SUPT3H: variants seen among roughly 807,000 people sequenced by gnomAD.
SUPT3H encodes transcription initiation protein SPT3 homolog.
SUPT3H carries 44 observed loss-of-function variants against 44.3 expected under a neutral mutation model. The observed-to-expected ratio is 0.99, with a 90% CI of 0.78 to 1.28. The LOEUF is 1.28. Among genes scored for constraint, SUPT3H ranks in the 50% most tolerant of loss-of-function variants. The pLI is 0.00. For synonymous variants in SUPT3H, 124 were observed against 125.6 expected, an observed-to-expected ratio of 0.99 and a Z score of 0.09; for missense variants, 380 against 387.1, an observed-to-expected ratio of 0.98 and a Z score of 0.15.
In SUPT3H at chr6:45,145,840, C is replaced by T. The variant is rs191369017; in HGVS notation, c.102-39834G>A. Among the ~76,000 whole-genome samples, 74 of 152,016 alleles carry T rather than the reference C, an allele frequency of 4.9e-4. No individual in the cohort carries two copies. In the East Asian group the frequency reaches 9.1e-3, roughly 19 times the overall value. ...CAACAAAAAAAGCAAACAATCCCAT[C>T]AAAAAGTGGGCAAAAGACATGAATA... On this transcript the variant is annotated intron_variant, in intron 2 of 10. Transcript: ENST00000371459.
At chr6:44,888,424 A>C (rs2153439405) in intron 10 of SUPT3H, among the ~76,000 whole-genome samples, 1 of 152,286 alleles carries the variant, frequency 6.6e-6, no homozygotes, top group South Asian at 2.1e-4. Flanking sequence ...ACCATGATCA[A>C]GTGGGCTTCA....
chr6:45,058,744 T>C (rs1791518055), intron 3 of SUPT3H, among the ~76,000 whole-genome samples: 1 of 152,152 alleles, frequency 6.6e-6, no homozygotes, highest in Non-Finnish European at 1.5e-5. Flanking sequence ...CCATCATTTT[T>C]AGCTCTAGCC....
chr6:44,951,241 T>TG (rs1415729618), intron 9 of SUPT3H, among the ~76,000 whole-genome samples: 15 of 152,086 alleles, frequency 9.9e-5, no homozygotes, highest in African/African-American at 2.9e-4. Context: ...GAAGGTTTTT[T>TG]TTTTTTTTTT....
chr6:45,303,014 G>A (rs139103773), intron 2 of SUPT3H, among the ~76,000 whole-genome samples: 2 of 152,050 alleles, frequency 1.3e-5, no homozygotes, highest in African/African-American at 2.4e-5. Flanking sequence ...AACATAAAGC[G>A]GGGAAAGGAT....
chr6:45,044,009 C>T (rs888057228), intron 3 of SUPT3H, among the ~76,000 whole-genome samples: 2 of 152,032 alleles, frequency 1.3e-5, no homozygotes, highest in African/African-American at 2.4e-5. Flanking sequence ...TACATTTTTC[C>T]TATACTTTCA....
At chr6:44,943,567 T>G (rs1772809136) in intron 9 of SUPT3H, among the ~76,000 whole-genome samples, 1 of 151,958 alleles carries the variant, frequency 6.6e-6, no homozygotes, top group Admixed American at 6.6e-5. Context: ...GCAGGATAAA[T>G]ACAAAGAAAA....
At chr6:45,255,787 A>G (rs1394578895) in intron 2 of SUPT3H, among the ~76,000 whole-genome samples, 1 of 152,190 alleles carries the variant, frequency 6.6e-6, no homozygotes, top group Non-Finnish European at 1.5e-5. Context: ...CACAAACCAT[A>G]AATTCACTCA....
chr6:44,846,689 T>TG (rs1771926846), intron 10 of SUPT3H, among the ~76,000 whole-genome samples: 1 of 151,992 alleles, frequency 6.6e-6, no homozygotes, highest in Non-Finnish European at 1.5e-5. Flanking sequence ...TGGAGTGCAG[T>TG]GGCGCAATAC....
intron 2 of SUPT3H, among the ~76,000 whole-genome samples, chr6:45,302,156 A>ATG (rs1491324771): frequency 6.6e-6 from 1 of 152,108 alleles, no homozygotes; most frequent in Non-Finnish European, 1.5e-5. Flanking sequence ...ATTTGGTCAC[A>ATG]TGAGTAAGTT....
intron 6 of SUPT3H, among the ~76,000 whole-genome samples, chr6:44,976,371 T>C (rs1007539148): frequency 6.6e-6 from 1 of 152,114 alleles, no homozygotes; most frequent in Non-Finnish European, 1.5e-5. Context: ...TGTCTTTTTT[T>C]TTTTTCTTGA....
intron 2 of SUPT3H, among the ~76,000 whole-genome samples, chr6:45,286,986 A>G (rs1405558924): frequency 6.6e-6 from 1 of 152,124 alleles, no homozygotes; most frequent in Non-Finnish European, 1.5e-5. Context: ...GCAAACTATC[A>G]CAAGGAGAAA....
intron 6 of SUPT3H, among the ~76,000 whole-genome samples, chr6:44,983,054 G>A (rs1317018131): frequency 6.6e-6 from 1 of 152,190 alleles, no homozygotes; most frequent in Non-Finnish European, 1.5e-5. Context: ...AGTTGTTTTT[G>A]AGAGAAGTAT....
chr6:45,230,487 CT>C (rs1378336472), intron 2 of SUPT3H, among the ~76,000 whole-genome samples: 1 of 150,604 alleles, frequency 6.6e-6, no homozygotes, highest in South Asian at 2.1e-4. Context: ...CCATCTTTGT[CT>C]TTTTTTATGG....
At chr6:45,323,089 A>C in intron 2 of SUPT3H, 2 of 599,394 alleles carry the variant, frequency 3.3e-6, no homozygotes, top group South Asian at 2.3e-5. Flanking sequence ...TGTGAAACAA[A>C]ACACTGACAA....
chr6:45,060,896 A>G (rs1361305712), intron 3 of SUPT3H, among the ~76,000 whole-genome samples: 1 of 152,224 alleles, frequency 6.6e-6, no homozygotes, highest in Non-Finnish European at 1.5e-5. Context: ...AACCACAATG[A>G]GATACTATCT....
At chr6:45,009,693 C>G (rs1414903215) in intron 5 of SUPT3H, among the ~76,000 whole-genome samples, 1 of 152,122 alleles carries the variant, frequency 6.6e-6, no homozygotes, top group Non-Finnish European at 1.5e-5. Context: ...GCCAGTACTG[C>G]TCTATCGTAA....
At chr6:44,938,175 A>G (rs1771802871) in intron 9 of SUPT3H, among the ~76,000 whole-genome samples, 1 of 151,526 alleles carries the variant, frequency 6.6e-6, no homozygotes, top group Admixed American at 6.6e-5. Flanking sequence ...AGTTTTCCTC[A>G]GGTTTACTTT....
At chr6:44,856,347 G>A (rs1338712089) in intron 10 of SUPT3H, among the ~76,000 whole-genome samples, 1 of 152,096 alleles carries the variant, frequency 6.6e-6, no homozygotes, top group Non-Finnish European at 1.5e-5. Flanking sequence ...TCTGCCAGAG[G>A]GAACTCACAC....
rs373028372 is a variant in SUPT3H at position 45,125,591 on chromosome 6, T to C, written c.102-19585A>G. 3.3e-5 allele frequency among the ~76,000 whole-genome samples: 5 copies of C among 152,178 alleles called. No homozygotes were observed. In the East Asian group the frequency reaches 9.6e-4, roughly 29 times the overall value. ...CACTTTCTTGCATCTCTTCCTGTTTTGATTTGTGATTTCAGGGATAGTTAT... is the reference window on the plus strand; with the variant it reads ...CACTTTCTTGCATCTCTTCCTGTTTCGATTTGTGATTTCAGGGATAGTTAT... On this transcript the variant is annotated intron_variant, in intron 2 of 10. Transcript: ENST00000371459.
Sources: gnomAD v4.1 joint callset for allele counts (sites outside exome capture counted in the v4.1 genomes callset) on GRCh38, gnomAD v4.1.1 for gene constraint, MANE v1.5 for transcripts, NCBI Gene and HGNC (gene_info 2026-07-23, HGNC 2026-07-21) for gene names.